Variants in CDH12 observed in about 807,000 individuals in gnomAD.
CDH12 encodes the protein cadherin 12.
CDH12 carries 41 observed loss-of-function variants against 74.1 expected under a neutral mutation model. The ratio of observed to expected loss-of-function variants is 0.55; its 90% CI spans 0.43 to 0.72. CDH12 has a LOEUF of 0.72. CDH12 is among the 30% of genes least tolerant of loss of function. The pLI is 0.00. For missense variants in CDH12, 945 were observed against 977.2 expected (o/e 0.97, Z 0.44); for synonymous variants, 399 against 355.0 (o/e 1.12, Z -1.39).
At chr5:22,349,815 A>G (rs1740283414) in intron 3 of CDH12, among the ~76,000 whole-genome samples, 1 of 152,162 alleles carries the variant, frequency 6.6e-6, no homozygotes. Context: ...GCTCACTGCA[A>G]GCTCCGCCTC....
At chr5:21,783,863 G>A (rs1354699644) in intron 10 of CDH12, among the ~76,000 whole-genome samples, 1 of 152,062 alleles carries the variant, frequency 6.6e-6, no homozygotes, top group Non-Finnish European at 1.5e-5. Context: ...GTTGAGAGAA[G>A]CACTGGAAAC....
At chr5:22,684,919 T>G (rs1441306772) in intron 1 of CDH12, among the ~76,000 whole-genome samples, 3 of 152,102 alleles carry the variant, frequency 2.0e-5, no homozygotes, top group African/African-American at 7.2e-5. Context: ...ACATGACACA[T>G]GAGTTTTGTT....
intron 1 of CDH12, among the ~76,000 whole-genome samples, chr5:22,627,061 A>G (rs1738336919): frequency 6.6e-6 from 1 of 152,162 alleles, no homozygotes; most frequent in Non-Finnish European, 1.5e-5. Context: ...AACAAGAAAA[A>G]CAAAACCTCT....
chr5:21,754,126 C>T (rs910782436), intron 14 of CDH12, among the ~76,000 whole-genome samples: 53 of 152,052 alleles, frequency 3.5e-4, no homozygotes, highest in Admixed American at 3.3e-3. Flanking sequence ...GCAGATGTTC[C>T]GGCAGAAATG....
At chr5:21,854,866 C>G in intron 6 of CDH12, 76 bp from the exon 7 acceptor site, 1 of 1,392,724 alleles carries the variant, frequency 7.2e-7, no homozygotes, top group South Asian at 1.3e-5. Flanking sequence ...CTGCTGGACT[C>G]GATTTTCCTT....
At chr5:22,522,727 G>A (rs1460791976) in intron 1 of CDH12, among the ~76,000 whole-genome samples, 1 of 151,854 alleles carries the variant, frequency 6.6e-6, no homozygotes, top group Non-Finnish European at 1.5e-5. Flanking sequence ...ACTTCACTAA[G>A]CCAGTTAACA....
intron 12 of CDH12, among the ~76,000 whole-genome samples, 184 bp from the exon 13 acceptor site, chr5:21,760,859 C>T (rs988884951): frequency 2.0e-5 from 3 of 152,012 alleles, no homozygotes; most frequent in Admixed American, 6.6e-5. Flanking sequence ...CAGGGAATAA[C>T]GACAGGTACA....
At chr5:22,843,321 C>T (rs1176813101) in intron 1 of CDH12, among the ~76,000 whole-genome samples, 1 of 151,924 alleles carries the variant, frequency 6.6e-6, no homozygotes, top group African/African-American at 2.4e-5. Context: ...CTAAGAGTTC[C>T]AGAATATGGC....
chr5:22,465,482 CAA>C (rs1745690484), intron 2 of CDH12, among the ~76,000 whole-genome samples: 1 of 152,122 alleles, frequency 6.6e-6, no homozygotes, highest in South Asian at 2.1e-4. Context: ...CCCATCTCCA[CAA>C]AAAATTTAAA....
At chr5:22,251,367 A>G (rs566799947) in intron 3 of CDH12, among the ~76,000 whole-genome samples, 1 of 152,310 alleles carries the variant, frequency 6.6e-6, no homozygotes, top group African/African-American at 2.4e-5. Flanking sequence ...GTTGAAGTAG[A>G]GAATCTACTC....
chr5:21,766,660 T>C (rs1231130059), intron 11 of CDH12, among the ~76,000 whole-genome samples: 1 of 151,946 alleles, frequency 6.6e-6, no homozygotes, highest in Non-Finnish European at 1.5e-5. Flanking sequence ...CTGTTATTGC[T>C]ATCCATTATT....
chr5:21,762,858 A>T (rs1383547111), intron 12 of CDH12, among the ~76,000 whole-genome samples: 2 of 146,458 alleles, frequency 1.4e-5, no homozygotes, highest in African/African-American at 5.0e-5. Context: ...TAACCACCTA[A>T]AAGCTAAAGA....
chr5:21,799,765 C>G (rs540163985), intron 10 of CDH12, among the ~76,000 whole-genome samples: 2 of 152,174 alleles, frequency 1.3e-5, no homozygotes, highest in Non-Finnish European at 2.9e-5. Context: ...ATGGCTGCTT[C>G]CATAATGATT....
At chr5:21,950,756 T>TA (rs1491337801) in intron 6 of CDH12, among the ~76,000 whole-genome samples, 2 of 114,200 alleles carry the variant, frequency 1.8e-5, no homozygotes, top group East Asian at 2.4e-4. Context: ...ATAAATTTTA[T>TA]TTTATTATTA....
At chr5:22,462,564 A>C (rs1262860410) in intron 2 of CDH12, among the ~76,000 whole-genome samples, 2 of 152,196 alleles carry the variant, frequency 1.3e-5, no homozygotes, top group Admixed American at 6.5e-5. Context: ...GTGGAAAAAT[A>C]GTCACTGAAG....
chr5:22,324,514 A>G (rs1166196476), intron 3 of CDH12, among the ~76,000 whole-genome samples: 2 of 151,880 alleles, frequency 1.3e-5, no homozygotes, highest in African/African-American at 2.4e-5. Flanking sequence ...GTTGTAGATT[A>G]CCTTACTGAG....
At chr5:22,553,079 A>G (rs1738647658) in intron 1 of CDH12, among the ~76,000 whole-genome samples, 1 of 152,164 alleles carries the variant, frequency 6.6e-6, no homozygotes, top group Non-Finnish European at 1.5e-5. Flanking sequence ...TCCTTGCCTA[A>G]ATAAACAAAA....
At chr5:21,823,824 A>G (rs1184834613) in intron 8 of CDH12, among the ~76,000 whole-genome samples, 1 of 152,114 alleles carries the variant, frequency 6.6e-6, no homozygotes, top group Non-Finnish European at 1.5e-5. Flanking sequence ...AGGATCCTAC[A>G]TCAGTGTGAC....
intron 1 of CDH12, among the ~76,000 whole-genome samples, chr5:22,696,787 T>C (rs1199465099): frequency 6.6e-6 from 1 of 152,250 alleles, no homozygotes; most frequent in Admixed American, 6.5e-5. Flanking sequence ...CATCTCAGTG[T>C]TTTTAAAATA....
Sources: gnomAD v4.1 joint callset for allele counts (sites outside exome capture counted in the v4.1 genomes callset) on GRCh38, gnomAD v4.1.1 for gene constraint, MANE v1.5 for transcripts, NCBI Gene and HGNC (gene_info 2026-07-23, HGNC 2026-07-21) for gene names.